The following LRRIQ1 variants were observed in gnomAD, a reference collection of about 807,000 sequenced individuals.
LRRIQ1 encodes leucine-rich repeat- and IQ domain-containing protein 1.
A neutral mutation model predicts 211.9 loss-of-function variants in LRRIQ1; 210 were observed. The ratio of observed to expected loss-of-function variants is 0.99; its 90% CI spans 0.89 to 1.11. LRRIQ1 has a LOEUF of 1.11. Ranked by LOEUF, LRRIQ1 falls within the 50% of genes most tolerant of loss-of-function variation. LRRIQ1 has a pLI of 0.00. For synonymous variants in LRRIQ1, 699 were observed against 650.1 expected (o/e 1.08, Z -1.14); for missense variants, 2,136 against 1,939.5 (o/e 1.10, Z -1.90).
chr12:85,167,863 G>C (rs974686549), intron 24 of LRRIQ1, among the ~76,000 whole-genome samples: 1 of 152,004 alleles, frequency 6.6e-6, no homozygotes, highest in African/African-American at 2.4e-5. Flanking sequence ...ACAATAATAA[G>C]GTCATAATAA....
At chr12:85,184,764 A>G (rs1892150233) in intron 24 of LRRIQ1, among the ~76,000 whole-genome samples, 1 of 151,962 alleles carries the variant, frequency 6.6e-6, no homozygotes, top group Admixed American at 6.6e-5. Context: ...ATGAAATGTT[A>G]ATTATTTTAA....
chr12:85,120,073 T>A (rs1184081826), intron 15 of LRRIQ1, among the ~76,000 whole-genome samples: 1 of 152,196 alleles, frequency 6.6e-6, no homozygotes, highest in Non-Finnish European at 1.5e-5. Context: ...ATTTTTGAAC[T>A]CTCCTTCCTT....
chr12:85,248,594 G>T (rs1195254006), downstream of LRRIQ1, among the ~76,000 whole-genome samples: 2 of 151,576 alleles, frequency 1.3e-5, no homozygotes, highest in Admixed American at 1.3e-4. Flanking sequence ...TGAGTAATCA[G>T]ACCCTCCTGA....
In LRRIQ1 at chr12:85,257,197, A is replaced by AT. The variant is rs71076120; in HGVS notation, c.122-5718_122-5717insT. Among the ~76,000 whole-genome samples, 144 of 115,816 alleles carry AT rather than the reference A, an allele frequency of 1.2e-3. 32 individuals carry two copies. Among genetic ancestry groups the AT allele is most frequent in the African/African-American group, 1.8e-3 (57 of 30,996 alleles). 76.0% of individuals were successfully genotyped at this position (115,816 alleles called of 152,430 possible). On this transcript the variant is annotated intron_variant, in intron 1 of 1. Coordinates refer to the LRRIQ1 transcript ENST00000602731. Reference sequence around the variant, plus strand: ...ATTATGTATTAATTATATATTATATAAATATATATATATAAAGACTGGTTT... The same window carrying AT: ...ATTATGTATTAATTATATATTATATATAATATATATATATAAAGACTGGTTT...
chr12:85,186,150 A>G (rs984980862), intron 24 of LRRIQ1, among the ~76,000 whole-genome samples: 17 of 152,194 alleles, frequency 1.1e-4, no homozygotes, highest in Non-Finnish European at 1.9e-4. Context: ...GTCAGACAAC[A>G]AAAATTTATT....
chr12:85,075,885 A>G (rs536768239), intron 11 of LRRIQ1, among the ~76,000 whole-genome samples: 1 of 152,104 alleles, frequency 6.6e-6, no homozygotes, highest in Non-Finnish European at 1.5e-5. Flanking sequence ...ACCCCACCAG[A>G]TAAGAAAACT....
At chr12:85,073,251 A>G (rs1300379040) in intron 11 of LRRIQ1, among the ~76,000 whole-genome samples, 153 bp downstream of exon 11, 1 of 152,004 alleles carries the variant, frequency 6.6e-6, no homozygotes, top group Admixed American at 6.6e-5. Flanking sequence ...TTATTTTGCA[A>G]ACATTTCAAG....
At chr12:85,119,953 G>C (rs532200811) in intron 15 of LRRIQ1, among the ~76,000 whole-genome samples, 87 of 152,214 alleles carry the variant, frequency 5.7e-4, no homozygotes, top group Non-Finnish European at 1.0e-3. Context: ...TTGTCTCCCA[G>C]TCTGTGGCTT....
At chr12:85,242,060 G>A (rs1430527299) in intron 26 of LRRIQ1, among the ~76,000 whole-genome samples, 1 of 151,912 alleles carries the variant, frequency 6.6e-6, no homozygotes, top group African/African-American at 2.4e-5. Context: ...AAAGAGATCC[G>A]TTCCAAAAAC....
At chr12:85,238,801 G>A (rs558159830) in intron 26 of LRRIQ1, among the ~76,000 whole-genome samples, 2 of 152,044 alleles carry the variant, frequency 1.3e-5, no homozygotes, top group East Asian at 1.9e-4. Flanking sequence ...CAGGAACAAG[G>A]CAAGAAAATC....
At chr12:85,152,579 C>T (rs1476492603) in intron 20 of LRRIQ1, among the ~76,000 whole-genome samples, 2 of 151,538 alleles carry the variant, frequency 1.3e-5, no homozygotes, top group Admixed American at 1.3e-4. Flanking sequence ...TTTCTTTCAA[C>T]ACTTTATTTC....
intron 8 of LRRIQ1, 86 bp downstream of exon 8, chr12:85,057,270 A>T: frequency 7.8e-6 from 8 of 1,022,878 alleles, no homozygotes; most frequent in South Asian, 4.8e-5. Flanking sequence ...AAAAAGAAAT[A>T]TTTTGTATAC....
Position 85,065,303 on chromosome 12 carries a change from C to T in LRRIQ1, c.2433C>T (p.Leu811=). The change falls in exon 9 of 27, where the codon CTC becomes CTT. Residue 811 remains leucine, a synonymous_variant. Coordinates refer to ENST00000393217, the MANE Select transcript of LRRIQ1 (RefSeq NM_001079910.2). ...VTFQDLPGCV[L]STLAECTNLQ... Reference sequence around the variant, plus strand: ...TTCAAGATTTGCCAGGCTGTGTTCTCTCCACACTGGCAGAGTGTACAAATC... The same window carrying T: ...TTCAAGATTTGCCAGGCTGTGTTCTTTCCACACTGGCAGAGTGTACAAATC... 1 of 1,610,734 alleles carries T rather than the reference C, an allele frequency of 6.2e-7. No individual in the cohort carries two copies. The highest frequency in any genetic ancestry group is 1.1e-5 in the South Asian group (1 of 90,952).
At chr12:85,203,088 A>G (rs572337448) in intron 24 of LRRIQ1, among the ~76,000 whole-genome samples, 3 of 152,310 alleles carry the variant, frequency 2.0e-5, no homozygotes, top group Non-Finnish European at 2.9e-5. Context: ...AGATAATTGT[A>G]TCATAGTGGC....
At chr12:85,139,382 G>A (rs1254076412) in intron 19 of LRRIQ1, among the ~76,000 whole-genome samples, 1 of 151,296 alleles carries the variant, frequency 6.6e-6, no homozygotes, top group Non-Finnish European at 1.5e-5. Flanking sequence ...CACAATAACT[G>A]GTCTAATTTA....
At chr12:85,271,122 T>C in the LRRIQ1 span, among the ~76,000 whole-genome samples, 1 of 152,190 alleles carries the variant, frequency 6.6e-6, no homozygotes, top group Admixed American at 6.5e-5. Flanking sequence ...TAATCCTAAT[T>C]TAAGAAATAG....
chr12:85,045,271 T>G (rs1879400396), intron 4 of LRRIQ1, among the ~76,000 whole-genome samples: 1 of 151,938 alleles, frequency 6.6e-6, no homozygotes, highest in Non-Finnish European at 1.5e-5. Flanking sequence ...CTTAGCAGTT[T>G]AAGTTAAAAA....
At chr12:85,178,680 T>G (rs1292316835) in intron 24 of LRRIQ1, among the ~76,000 whole-genome samples, 2 of 151,990 alleles carry the variant, frequency 1.3e-5, no homozygotes, top group Non-Finnish European at 2.9e-5. Context: ...CTCTCTTGGT[T>G]CTTCTATTTA....
intron 24 of LRRIQ1, among the ~76,000 whole-genome samples, chr12:85,191,863 T>A (rs754354120): frequency 2.1e-4 from 32 of 151,998 alleles, no homozygotes; most frequent in Non-Finnish European, 4.3e-4. Flanking sequence ...AATTCCTTAA[T>A]GACATATGAT....
Sources: allele counts gnomAD v4.1 joint callset (sites outside exome capture counted in the v4.1 genomes callset), GRCh38; gene constraint gnomAD v4.1.1; transcripts MANE v1.5; gene names NCBI Gene and HGNC (gene_info 2026-07-23, HGNC 2026-07-21).